SDK2: variants seen among roughly 807,000 people sequenced by gnomAD.
The protein encoded by SDK2 is protein sidekick-2.
In SDK2, 105 loss-of-function variants were observed where a neutral mutation model predicts 253.9. The ratio of observed to expected loss-of-function variants is 0.41; its 90% CI spans 0.35 to 0.49. The LOEUF is 0.49. SDK2 is among the 20% of genes least tolerant of loss of function. The probability of loss-of-function intolerance (pLI) is 0.06; values close to 1 mark genes in which losing one functional copy is unlikely to be tolerated. For missense variants in SDK2, 2,608 were observed against 3,003.0 expected (o/e 0.87, Z 3.07); for synonymous variants, 1,249 against 1,234.9 (o/e 1.01, Z -0.24).
At chr17:73,592,208 C>G (rs1248120644) in intron 1 of SDK2, among the ~76,000 whole-genome samples, 1 of 152,184 alleles carries the variant, frequency 6.6e-6, no homozygotes, top group Non-Finnish European at 1.5e-5. Flanking sequence ...GGCTGCAGGC[C>G]ACAGCCATGC....
chr17:73,556,725 T>C (rs1727800187), intron 1 of SDK2, among the ~76,000 whole-genome samples: 1 of 152,124 alleles, frequency 6.6e-6, no homozygotes, highest in Admixed American at 6.6e-5. Context: ...CTTGCCTGGG[T>C]GGAAGTCTAA....
At chr17:73,568,086 C>T (rs529387764) in intron 1 of SDK2, among the ~76,000 whole-genome samples, 11 of 152,240 alleles carry the variant, frequency 7.2e-5, no homozygotes, top group East Asian at 1.9e-4. Context: ...ATGTGGAAAC[C>T]GGATCCTAAA....
chr17:73,504,136 T>G (rs1469345569), intron 2 of SDK2, among the ~76,000 whole-genome samples: 1 of 151,670 alleles, frequency 6.6e-6, no homozygotes, highest in Non-Finnish European at 1.5e-5. Context: ...TCAGGGGATA[T>G]GTAAGGCCAT....
chr17:73,415,605 C>T (rs1238009946), intron 17 of SDK2, among the ~76,000 whole-genome samples: 1 of 152,132 alleles, frequency 6.6e-6, no homozygotes, highest in Non-Finnish European at 1.5e-5. Flanking sequence ...CCATAGCCTC[C>T]TGAGTAGCTG....
At chr17:73,595,692 G>A (rs1049632462) in intron 1 of SDK2, among the ~76,000 whole-genome samples, 1 of 152,302 alleles carries the variant, frequency 6.6e-6, no homozygotes, top group East Asian at 1.9e-4. Context: ...GGGAGTAGCC[G>A]CTGACCCACT....
chr17:73,501,242 G>GCACACACACACACA (rs34715004), intron 2 of SDK2, among the ~76,000 whole-genome samples: 2 of 150,866 alleles, frequency 1.3e-5, no homozygotes, highest in African/African-American at 2.4e-5. Context: ...GCATGTGCAT[G>GCACACACACACACA]CACACACACA....
At chr17:73,569,010 C>T (rs940322629) in intron 1 of SDK2, among the ~76,000 whole-genome samples, 1 of 152,090 alleles carries the variant, frequency 6.6e-6, no homozygotes, top group Non-Finnish European at 1.5e-5. Flanking sequence ...AATTTACACT[C>T]ATAGTAACCA....
At chr17:73,417,241 T>A (rs1355969255) in intron 16 of SDK2, among the ~76,000 whole-genome samples, 5 of 141,014 alleles carry the variant, frequency 3.5e-5, no homozygotes, top group African/African-American at 2.6e-5. Context: ...TTGTCTCTAC[T>A]AAAAAAAAAA....
chr17:73,416,016 G>A (rs1162411875), intron 16 of SDK2, 24 bp from the exon 17 acceptor site: 3 of 1,598,232 alleles, frequency 1.9e-6, no homozygotes, highest in Admixed American at 1.7e-5. Flanking sequence ...GCGAGGCACA[G>A]TGGAGTCAGA....
At chr17:73,423,717 C>A (rs530298638) in intron 13 of SDK2, among the ~76,000 whole-genome samples, 195 bp from the exon 14 acceptor site, 3 of 152,294 alleles carry the variant, frequency 2.0e-5, no homozygotes, top group South Asian at 4.1e-4. Context: ...CATCCTCACA[C>A]CCCCCTGCTC....
rs774422994 is a variant in SDK2 at position 73,415,884 on chromosome 17, G to A, written c.2295C>T (p.Ile765=). The A allele has an allele frequency of 6.3e-6, 10 of 1,592,390 alleles. No individual in the cohort carries two copies. The highest frequency in any genetic ancestry group is 1.1e-5 in the South Asian group (1 of 87,346). The part of the protein sequence containing the change: ...EDLIIWTNYE[I]EVAAYNSAGL... ...CAGCGCTGTTGTAAGCAGCCACCTC[G>A]ATCTCGTAGTTGGTCCAAATGATGA... The change falls in exon 17 of 45, where the codon ATC becomes ATT. Residue 765 remains isoleucine (I), a synonymous_variant. Coordinates refer to ENST00000392650, the MANE Select transcript of SDK2 (RefSeq NM_001144952.2).
rs569498318 is a variant in SDK2, at chr17:73,639,434, C to T, written c.64+4591G>A. On this transcript the variant is annotated intron_variant, in intron 1 of 44. Transcript: ENST00000392650. This position sits in a 1 kb window ranked among gnomAD's most constrained non-coding sequence, Gnocchi z 4.3. Reference sequence around the variant, plus strand: ...CACATGGACAGCAGGGGTGGGACACCTAGGGGAGGGGGCACCCGGGGTGTC... The same window carrying T: ...CACATGGACAGCAGGGGTGGGACACTTAGGGGAGGGGGCACCCGGGGTGTC... Among the ~76,000 whole-genome samples the T allele has an allele frequency of 2.0e-5, 3 of 152,288 alleles. No homozygotes were observed. The highest frequency in any genetic ancestry group is 3.9e-4 in the East Asian group (2 of 5,170).
intron 15 of SDK2, among the ~76,000 whole-genome samples, chr17:73,421,773 C>T (rs1055900433): frequency 9.2e-5 from 14 of 151,864 alleles, no homozygotes; most frequent in Non-Finnish European, 1.9e-4. Context: ...GTTGGCCAGG[C>T]TGGTTTCGAA....
intron 1 of SDK2, among the ~76,000 whole-genome samples, chr17:73,608,546 G>A (rs1003951951): frequency 6.6e-6 from 1 of 152,112 alleles, no homozygotes; most frequent in Non-Finnish European, 1.5e-5. Flanking sequence ...GAGTTCAAGC[G>A]ATTCTCCTGC....
intron 18 of SDK2, among the ~76,000 whole-genome samples, chr17:73,412,025 T>C: frequency 4.1e-5 from 2 of 49,064 alleles, no homozygotes; most frequent in South Asian, 1.0e-3. Context: ...TATACGTATA[T>C]GTATATATAC....
At chr17:73,631,855 C>A (rs959428638) in intron 1 of SDK2, among the ~76,000 whole-genome samples, 8 of 152,216 alleles carry the variant, frequency 5.3e-5, no homozygotes, top group African/African-American at 1.9e-4. Flanking sequence ...ACATAGTGAT[C>A]CCAGAGCCCA....
chr17:73,404,153 G>A (rs1260453918), intron 18 of SDK2, among the ~76,000 whole-genome samples: 3 of 152,162 alleles, frequency 2.0e-5, no homozygotes, highest in Non-Finnish European at 4.4e-5. Flanking sequence ...TGTGGTTTGT[G>A]GAGTCACGCT....
At position 73,511,167 on chromosome 17, in the gene SDK2, C is replaced by T. The variant is rs890601732; in HGVS notation, c.65-3570G>A. ...AGCAGCTTTCAAGAGCCCTTTGAAT[C>T]GCGCTTTTAAAAACCCTCTGTTCAT... On this transcript the variant is annotated intron_variant, in intron 1 of 44. Transcript: ENST00000392650. This position sits in a 1 kb window ranked among gnomAD's most constrained non-coding sequence, Gnocchi z 4.9. Among the ~76,000 whole-genome samples, 7 of 152,218 alleles carry T rather than the reference C, an allele frequency of 4.6e-5. No homozygotes were observed. The highest frequency in any genetic ancestry group is 1.7e-4 in the African/African-American group (7 of 41,454).
chr17:73,536,649 G>A (rs2044778711), intron 1 of SDK2, among the ~76,000 whole-genome samples: 2 of 152,110 alleles, frequency 1.3e-5, no homozygotes, highest in African/African-American at 2.4e-5. Flanking sequence ...GCCAGTGCGG[G>A]GGTCGCAAAA....
Sources: gnomAD v4.1 joint callset for allele counts (sites outside exome capture counted in the v4.1 genomes callset) on GRCh38, gnomAD v4.1.1 for gene constraint, Gnocchi (gnomAD v3.1) non-coding constraint, MANE v1.5 for transcripts, NCBI Gene and HGNC (gene_info 2026-07-23, HGNC 2026-07-21) for gene names.